FOXN3: variants seen among roughly 807,000 people sequenced by gnomAD.
FOXN3 encodes forkhead box protein N3.
In FOXN3, 7 loss-of-function variants were observed where a neutral mutation model predicts 38.4. The ratio of observed to expected loss-of-function variants is 0.18; its 90% CI spans 0.10 to 0.34. FOXN3 has a LOEUF of 0.34. FOXN3 is among the 10% of genes least tolerant of loss of function. The pLI is 1.00. For synonymous variants in FOXN3, 230 were observed against 242.2 expected, an observed-to-expected ratio of 0.95 and a Z score of 0.47; for missense variants, 456 against 613.4, an observed-to-expected ratio of 0.74 and a Z score of 2.71.
upstream of FOXN3, among the ~76,000 whole-genome samples, chr14:89,421,354 G>T (rs1891902190): frequency 6.6e-6 from 1 of 151,368 alleles, no homozygotes; most frequent in South Asian, 2.1e-4. Flanking sequence ...CTCCATGTTG[G>T]TCAGGCTGGT....
chr14:89,489,086 G>C (rs981758944), intron 1 of FOXN3, among the ~76,000 whole-genome samples: 9 of 152,124 alleles, frequency 5.9e-5, no homozygotes, highest in Admixed American at 3.3e-4. Flanking sequence ...ACCAAGGCTA[G>C]GATTGAAATG....
chr14:89,305,781 C>G (rs1887352362), intron 3 of FOXN3, among the ~76,000 whole-genome samples: 1 of 152,202 alleles, frequency 6.6e-6, no homozygotes, highest in African/African-American at 2.4e-5. Context: ...TTAAACGGAT[C>G]TAACTAAATA....
Position 89,412,276 on chromosome 14 carries a change from G to A in FOXN3, c.201C>T (p.His67=), listed in dbSNP as rs148222339. Residue 67 remains histidine, a synonymous_variant, in exon 2 of 6, where the codon CAC becomes CAT. Transcript: ENST00000557258. The surrounding 1 kb of genome is among the most constrained non-coding windows in gnomAD (Gnocchi z 4.7). ...AGCTCTTCAGCAAGTTCTTGCTCTC[G>A]TGCAGCCAGTTCAGGTTGGTCAGCT... ...DEELTNLNWL[H]ESKNLLKSFG... 3.0e-3 allele frequency: 4,849 copies of A among 1,614,066 alleles called. 51 individuals are homozygous for A. The highest frequency in any genetic ancestry group is 2.0e-3 in the Non-Finnish European group (2,314 of 1,180,028).
chr14:89,516,422 G>A (rs1375211097), intron 1 of FOXN3, among the ~76,000 whole-genome samples: 2 of 152,128 alleles, frequency 1.3e-5, no homozygotes, highest in Admixed American at 1.3e-4. Context: ...ATGCAATAAT[G>A]TGTCTTTCTG....
chr14:89,481,824 A>G (rs1400601687), intron 1 of FOXN3, among the ~76,000 whole-genome samples: 1 of 152,146 alleles, frequency 6.6e-6, no homozygotes, highest in Non-Finnish European at 1.5e-5. Context: ...ATTAATCTTA[A>G]AGGATGACCA....
chr14:89,257,790 T>G (rs781226576), intron 4 of FOXN3, among the ~76,000 whole-genome samples: 1 of 152,202 alleles, frequency 6.6e-6, no homozygotes, highest in Non-Finnish European at 1.5e-5. Flanking sequence ...CTTTGGCTAA[T>G]GTCCATTTAA....
intron 4 of FOXN3, among the ~76,000 whole-genome samples, chr14:89,280,490 T>G (rs572834404): frequency 5.1e-4 from 77 of 152,266 alleles, no homozygotes; most frequent in African/African-American, 1.6e-3. Flanking sequence ...TCCAGGTACA[T>G]GTAGATGTTG....
chr14:89,343,445 AT>A (rs1888671019), intron 3 of FOXN3, among the ~76,000 whole-genome samples: 1 of 150,990 alleles, frequency 6.6e-6, no homozygotes, highest in African/African-American at 2.4e-5. Context: ...ACTCTGTACA[AT>A]TTCTATACCC....
Position 89,611,638 on chromosome 14 carries a change from C to T in FOXN3, c.-15+7390G>A, listed in dbSNP as rs559903976. Reference sequence around the variant, plus strand: ...TGGTTAACACGGTGAAACCCCGTCTCTACTAAAAATACAAAAAATTAGCCG... The same window carrying T: ...TGGTTAACACGGTGAAACCCCGTCTTTACTAAAAATACAAAAAATTAGCCG... On this transcript the variant is annotated intron_variant, in intron 1 of 6. Transcript: ENST00000345097. 4.6e-5 allele frequency among the ~76,000 whole-genome samples: 7 copies of T among 152,036 alleles called. No homozygotes were observed. The South Asian group carries it at 8.3e-4, about 18-fold the overall frequency.
chr14:89,355,528 C>T (rs570508275), intron 2 of FOXN3, among the ~76,000 whole-genome samples: 70 of 152,278 alleles, frequency 4.6e-4, no homozygotes, highest in African/African-American at 1.6e-3. Flanking sequence ...TGAGCCACTA[C>T]GCCCAGCCTA....
intron 1 of FOXN3, among the ~76,000 whole-genome samples, chr14:89,571,723 C>CA (rs1237316712): frequency 2.6e-5 from 4 of 152,040 alleles, no homozygotes; most frequent in Non-Finnish European, 5.9e-5. Flanking sequence ...ACTTTATTTA[C>CA]AAAAAACAGA....
chr14:89,277,985 A>C (rs1405359757), intron 4 of FOXN3, among the ~76,000 whole-genome samples: 1 of 152,068 alleles, frequency 6.6e-6, no homozygotes, highest in Non-Finnish European at 1.5e-5. Context: ...CTTAAGTGTC[A>C]GTTCTCCCAA....
chr14:89,206,642 G>A (rs907865260), intron 4 of FOXN3, among the ~76,000 whole-genome samples: 3 of 152,048 alleles, frequency 2.0e-5, no homozygotes, highest in Admixed American at 1.3e-4. Context: ...GGTTCGTTCC[G>A]TACCATGAAA....
chr14:89,216,874 G>A (rs919949362), intron 4 of FOXN3, among the ~76,000 whole-genome samples: 2 of 152,104 alleles, frequency 1.3e-5, no homozygotes, highest in Non-Finnish European at 2.9e-5. Context: ...ACCTTCCACA[G>A]CCATCTGATT....
At chr14:89,513,706 T>C (rs1056761771) in intron 1 of FOXN3, among the ~76,000 whole-genome samples, 1 of 152,186 alleles carries the variant, frequency 6.6e-6, no homozygotes, top group African/African-American at 2.4e-5. Flanking sequence ...GTGATTCTCC[T>C]GCCTCAGCCT....
chr14:89,579,150 ATTTTTT>A (rs35744248), intron 1 of FOXN3, among the ~76,000 whole-genome samples: 1 of 127,758 alleles, frequency 7.8e-6, no homozygotes, highest in Admixed American at 7.8e-5. Flanking sequence ...ATGCCCAGCC[ATTTTTT>A]TTTTTTTTTT....
intron 1 of FOXN3, among the ~76,000 whole-genome samples, chr14:89,608,397 C>A (rs1566716872): frequency 6.6e-6 from 1 of 152,292 alleles, no homozygotes; most frequent in East Asian, 1.9e-4. Context: ...GCCTCGGCCT[C>A]CCAAAGTGCT....
intron 1 of FOXN3, among the ~76,000 whole-genome samples, chr14:89,489,865 T>TGCAC (rs1893536433): frequency 6.6e-6 from 1 of 152,172 alleles, no homozygotes; most frequent in Admixed American, 6.5e-5. Context: ...CGCGCGCGCA[T>TGCAC]GCACACACAT....
At chr14:89,447,493 T>C (rs1344723915) in intron 1 of FOXN3, among the ~76,000 whole-genome samples, 1 of 152,148 alleles carries the variant, frequency 6.6e-6, no homozygotes, top group Non-Finnish European at 1.5e-5. Context: ...CCCCACATAG[T>C]ATAAAGTGTC....
Sources: allele counts gnomAD v4.1 joint callset (sites outside exome capture counted in the v4.1 genomes callset), GRCh38; gene constraint gnomAD v4.1.1; non-coding constraint Gnocchi (gnomAD v3.1); transcripts MANE v1.5; gene names NCBI Gene and HGNC (gene_info 2026-07-23, HGNC 2026-07-21).